The following LRMDA variants were observed in gnomAD, a reference collection of about 807,000 sequenced individuals.
LRMDA encodes leucine rich melanocyte differentiation associated, also known as leucine-rich melanocyte differentiation-associated protein.
In LRMDA, 18 loss-of-function variants were observed where a neutral mutation model predicts 29.8. The observed-to-expected ratio is 0.60, with a 90% CI of 0.42 to 0.90. The LOEUF (loss-of-function observed/expected upper bound fraction) is 0.90, where lower values mean the gene tolerates loss of function less well. Ranked by LOEUF, LRMDA falls within the 40% of genes least tolerant of loss-of-function variation. The pLI is 0.00. For missense variants in LRMDA, 273 were observed against 273.9 expected, an observed-to-expected ratio of 1.00 and a Z score of 0.02; for synonymous variants, 125 against 109.4, an observed-to-expected ratio of 1.14 and a Z score of -0.89.
chr10:75,560,316 A>G (rs1169489809), intron 2 of LRMDA, among the ~76,000 whole-genome samples: 1 of 151,962 alleles, frequency 6.6e-6, no homozygotes, highest in Admixed American at 6.6e-5. Flanking sequence ...GAGTTCACTC[A>G]TGATTTGGCT....
At chr10:76,138,095 T>G (rs892844079) in intron 5 of LRMDA, among the ~76,000 whole-genome samples, 5 of 152,182 alleles carry the variant, frequency 3.3e-5, no homozygotes, top group African/African-American at 9.7e-5. Context: ...CAACTTTAAT[T>G]GGGGATTAAA....
At chr10:76,016,523 A>G (rs1394278027) in intron 2 of LRMDA, among the ~76,000 whole-genome samples, 1 of 152,174 alleles carries the variant, frequency 6.6e-6, no homozygotes, top group African/African-American at 2.4e-5. Context: ...TTCTGACTAA[A>G]TGCTTATGAT....
intron 2 of LRMDA, among the ~76,000 whole-genome samples, chr10:75,526,929 C>G (rs1462175236): frequency 1.3e-5 from 2 of 151,890 alleles, no homozygotes; most frequent in Admixed American, 1.3e-4. Flanking sequence ...AATTAATTAG[C>G]ATTTAAAGCA....
chr10:76,133,529 C>G (rs993481251), intron 5 of LRMDA, among the ~76,000 whole-genome samples: 6 of 152,234 alleles, frequency 3.9e-5, no homozygotes, highest in African/African-American at 1.4e-4. Context: ...GGTCAGCAAA[C>G]GCCAGACCAC....
chr10:76,251,028 T>C lies in LRMDA; in HGVS notation c.517-73373T>C, dbSNP rs573435778. The stretch of plus-strand genomic sequence containing the variant: ...TGGCAGCTCACAAAACTACTTAATC[T>C]TCCCCAAAGGGCTTCTCTCATTGGC... On this transcript the variant is annotated intron_variant, in intron 5 of 6. Transcript: ENST00000611255. Among the ~76,000 whole-genome samples, 9 of 152,240 alleles carry C rather than the reference T, an allele frequency of 5.9e-5. No homozygotes were observed. The East Asian group carries it at 1.7e-3, about 29-fold the overall frequency.
intron 2 of LRMDA, among the ~76,000 whole-genome samples, chr10:75,728,675 C>T (rs1444974079): frequency 1.3e-5 from 2 of 152,180 alleles, no homozygotes; most frequent in Non-Finnish European, 2.9e-5. Context: ...GTGATGGGAA[C>T]CATGAACTCG....
chr10:75,678,200 TC>T (rs1841984221), intron 2 of LRMDA, among the ~76,000 whole-genome samples: 1 of 152,112 alleles, frequency 6.6e-6, no homozygotes, highest in East Asian at 1.9e-4. Context: ...TAATTTATTA[TC>T]CAAACTAGTA....
rs193046677 is a variant in LRMDA at position 75,989,490 on chromosome 10, T to C, written c.132-46518T>C. On this transcript the variant is annotated intron_variant, in intron 2 of 6. Coordinates refer to ENST00000611255, the MANE Select transcript of LRMDA (RefSeq NM_001305581.2). ...CTCCAAAGGGGATGGTGTTAAACCA[T>C]GAGAAACCACCCCCATGATCCAGTC... Among the ~76,000 whole-genome samples the C allele has an allele frequency of 8.5e-5, 13 of 152,266 alleles. No homozygotes were observed. In the East Asian group the frequency reaches 1.7e-3, roughly 20 times the overall value.
intron 5 of LRMDA, among the ~76,000 whole-genome samples, chr10:76,111,895 C>T (rs1849584744): frequency 6.6e-6 from 1 of 152,126 alleles, no homozygotes; most frequent in South Asian, 2.1e-4. Flanking sequence ...GCGTAGGTGA[C>T]GCCAACGTTG....
intron 6 of LRMDA, among the ~76,000 whole-genome samples, chr10:76,366,235 G>C (rs1307239563): frequency 6.6e-6 from 1 of 152,082 alleles, no homozygotes; most frequent in Admixed American, 6.5e-5. Context: ...CTCTTTTTTG[G>C]TTCCATAAGC....
chr10:75,734,738 T>C lies in LRMDA; in HGVS notation c.131+296244T>C, dbSNP rs373851399. Among the ~76,000 whole-genome samples, 8 of 152,342 alleles carry C rather than the reference T, an allele frequency of 5.3e-5. No homozygotes were observed. The East Asian group carries it at 1.3e-3, about 26-fold the overall frequency. On this transcript the variant is annotated intron_variant, in intron 2 of 6. Coordinates refer to ENST00000611255, the MANE Select transcript of LRMDA (RefSeq NM_001305581.2). ...CAGGGAGTCCTGTCCACTCAGTATA[T>C]GCTAACAAGCCCAGCAGGCTGTGGT...
At chr10:75,777,068 C>A (rs1389446552) in intron 2 of LRMDA, among the ~76,000 whole-genome samples, 1 of 152,092 alleles carries the variant, frequency 6.6e-6, no homozygotes, top group Non-Finnish European at 1.5e-5. Flanking sequence ...AGTGGGGAGC[C>A]GGGTTTACTC....
intron 6 of LRMDA, among the ~76,000 whole-genome samples, chr10:76,457,822 C>T (rs1279367232): frequency 6.6e-6 from 1 of 152,110 alleles, no homozygotes; most frequent in Non-Finnish European, 1.5e-5. Flanking sequence ...TAGGAGCAAT[C>T]GTTCAGTATT....
chr10:76,504,322 ATTC>A (rs1190410926), intron 6 of LRMDA, among the ~76,000 whole-genome samples: 1 of 152,004 alleles, frequency 6.6e-6, no homozygotes, highest in Non-Finnish European at 1.5e-5. Context: ...TGGGTATAGT[ATTC>A]TTTAAATGTC....
At chr10:75,697,189 A>G (rs12245998) in intron 2 of LRMDA, among the ~76,000 whole-genome samples, 6,121 of 152,166 alleles carry the variant, frequency 0.04, 312 homozygotes, top group African/African-American at 0.12. Context: ...TGCCCATAAT[A>G]TATACCTGGC....
intron 6 of LRMDA, among the ~76,000 whole-genome samples, chr10:76,383,011 G>A (rs11593103): frequency 2.0e-5 from 3 of 152,178 alleles, no homozygotes; most frequent in Middle Eastern, 3.2e-3. Flanking sequence ...GGGTTTTATA[G>A]GAGCCACAGT....
chr10:75,955,917 A>G (rs558558653), intron 2 of LRMDA, among the ~76,000 whole-genome samples: 2 of 152,338 alleles, frequency 1.3e-5, no homozygotes, highest in Non-Finnish European at 2.9e-5. Context: ...TTAATATAGC[A>G]TGAAAAAAGA....
chr10:76,337,284 A>ATGT (rs1840981540), intron 6 of LRMDA, among the ~76,000 whole-genome samples: 1 of 152,162 alleles, frequency 6.6e-6, no homozygotes, highest in African/African-American at 2.4e-5. Flanking sequence ...TTCTAGTCAG[A>ATGT]GAGAGGATCT....
At chr10:75,534,627 A>G (rs1589172461) in intron 2 of LRMDA, among the ~76,000 whole-genome samples, 1 of 152,216 alleles carries the variant, frequency 6.6e-6, no homozygotes, top group African/African-American at 2.4e-5. Flanking sequence ...ATTGTTAGAC[A>G]TAGACATAGC....
Sources: allele counts gnomAD v4.1 joint callset (sites outside exome capture counted in the v4.1 genomes callset), GRCh38; gene constraint gnomAD v4.1.1; transcripts MANE v1.5; gene names NCBI Gene and HGNC (gene_info 2026-07-23, HGNC 2026-07-21).